CDH4: variants seen among roughly 807,000 people sequenced by gnomAD.
CDH4 encodes the protein cadherin-4.
In CDH4, 33 loss-of-function variants were observed where a neutral mutation model predicts 86.0. That is an observed-to-expected ratio of 0.38 (90% CI 0.29 to 0.51). CDH4 has a LOEUF of 0.51. Ranked by LOEUF, CDH4 falls within the 20% of genes least tolerant of loss-of-function variation. The pLI is 0.86. For synonymous variants in CDH4, 555 were observed against 549.4 expected, an observed-to-expected ratio of 1.01 and a Z score of -0.14; for missense variants, 1,114 against 1,307.4, an observed-to-expected ratio of 0.85 and a Z score of 2.28.
intron 2 of CDH4, among the ~76,000 whole-genome samples, chr20:61,258,329 C>CAAAAAAAAAAAAAAAAAAA (rs778048684): frequency 1.8e-4 from 11 of 62,306 alleles, no homozygotes; most frequent in East Asian, 7.3e-4. Flanking sequence ...GACTCCGTCT[C>CAAAAAAAAAAAAAAAAAAA]AAAAAAAAAA....
chr20:61,300,296 CAGG>C (rs1273991922), intron 2 of CDH4, among the ~76,000 whole-genome samples: 2 of 152,100 alleles, frequency 1.3e-5, no homozygotes, highest in African/African-American at 2.4e-5. Context: ...GAAAAATGAG[CAGG>C]AGAAGGGCCA....
intron 2 of CDH4, among the ~76,000 whole-genome samples, chr20:61,616,944 G>A (rs540935586): frequency 2.2e-4 from 34 of 152,182 alleles, no homozygotes; most frequent in African/African-American, 8.2e-4. Flanking sequence ...GGTGGAGGGG[G>A]GTGACTGGAC....
chr20:61,576,781 G>T (rs140758893), intron 2 of CDH4, among the ~76,000 whole-genome samples: 2 of 152,234 alleles, frequency 1.3e-5, no homozygotes, highest in African/African-American at 4.8e-5. Context: ...GAAGTAAGAG[G>T]GCCTGTATGA....
intron 2 of CDH4, chr20:61,600,071 C>A: frequency 1.7e-6 from 1 of 580,506 alleles, no homozygotes; most frequent in Non-Finnish European, 2.2e-6. Context: ...CTGTCTGACT[C>A]TCCGGGGATG....
chr20:61,641,257 A>C (rs532799807), intron 2 of CDH4, among the ~76,000 whole-genome samples: 2 of 152,260 alleles, frequency 1.3e-5, no homozygotes, highest in South Asian at 4.1e-4. Context: ...TCCCCATTTC[A>C]TGATTGATGT....
At chr20:61,458,171 A>G (rs1317876922) in intron 2 of CDH4, among the ~76,000 whole-genome samples, 1 of 149,722 alleles carries the variant, frequency 6.7e-6, no homozygotes, top group African/African-American at 2.5e-5. Context: ...GACAGTGCTG[A>G]TGCTGGTGGT....
intron 2 of CDH4, among the ~76,000 whole-genome samples, chr20:61,527,379 A>G (rs537456384): frequency 2.6e-5 from 4 of 152,108 alleles, no homozygotes; most frequent in African/African-American, 9.6e-5. Flanking sequence ...CCTCCTGAGT[A>G]GCTGGGATTA....
intron 2 of CDH4, among the ~76,000 whole-genome samples, chr20:61,670,438 T>C (rs1276303301): frequency 6.6e-6 from 1 of 152,204 alleles, no homozygotes; most frequent in Non-Finnish European, 1.5e-5. Context: ...ATGGCCTCTG[T>C]GCACTGGCCA....
At chr20:61,342,562 C>A (rs989845539) in intron 2 of CDH4, among the ~76,000 whole-genome samples, 1 of 152,322 alleles carries the variant, frequency 6.6e-6, no homozygotes, top group East Asian at 1.9e-4. Context: ...CCAGGGGGAG[C>A]AGCTGTAAAT....
rs146508088 is a variant in CDH4, at chr20:61,518,199, G to T, written c.170-225364G>T. On this transcript the variant is annotated intron_variant, in intron 2 of 15. Coordinates refer to ENST00000614565, the MANE Select transcript of CDH4 (RefSeq NM_001794.5). The surrounding 1 kb of genome is among the most constrained non-coding windows in gnomAD (Gnocchi z 6.3). ...TTTATTCTGCCATCATCCCTTTATC[G>T]AACACCACCAGTTCCTAGGACGAGG... Among the ~76,000 whole-genome samples, 1 of 152,060 alleles carries T rather than the reference G, an allele frequency of 6.6e-6. No individual in the cohort carries two copies. Among genetic ancestry groups the T allele is most frequent in the Non-Finnish European group, 1.5e-5 (1 of 68,004 alleles).
intron 2 of CDH4, chr20:61,718,842 C>G (rs768991962): frequency 1.1e-5 from 5 of 471,194 alleles, no homozygotes; most frequent in South Asian, 7.7e-5. Flanking sequence ...ACAGCTGGCT[C>G]TATCTTGGAC....
intron 2 of CDH4, among the ~76,000 whole-genome samples, chr20:61,375,673 G>T (rs200383414): frequency 0.089 from 10,126 of 114,374 alleles, 531 homozygotes; most frequent in East Asian, 0.38. Flanking sequence ...GGTGTGGTTT[G>T]TTGATGGTAG....
At chr20:61,488,565 A>G (rs2085608723) in intron 2 of CDH4, among the ~76,000 whole-genome samples, 2 of 152,178 alleles carry the variant, frequency 1.3e-5, no homozygotes, top group South Asian at 4.1e-4. Context: ...TCTAAAGTAC[A>G]AGAAGTATGT....
chr20:61,647,548 T>TCTCTCTCTCTCTCTCTCTCC (rs1555818888), intron 2 of CDH4, among the ~76,000 whole-genome samples: 1 of 108,484 alleles, frequency 9.2e-6, no homozygotes, highest in African/African-American at 3.3e-5. Flanking sequence ...TCCCTCTCCC[T>TCTCTCTCTCTCTCTCTCTCC]CTCCCTCTCC....
chr20:61,444,611 TTCTC>T (rs1376314032), intron 2 of CDH4, among the ~76,000 whole-genome samples: 1 of 151,072 alleles, frequency 6.6e-6, no homozygotes, highest in Non-Finnish European at 1.5e-5. Context: ...GTATGTGTGT[TTCTC>T]TGTGTGTGTG....
At chr20:61,786,778 C>T (rs1321840002) in intron 4 of CDH4, among the ~76,000 whole-genome samples, 1 of 152,214 alleles carries the variant, frequency 6.6e-6, no homozygotes, top group African/African-American at 2.4e-5. Context: ...AGAGCTCAGG[C>T]ACCTTCCACA....
intron 2 of CDH4, among the ~76,000 whole-genome samples, chr20:61,551,104 A>C (rs1054519914): frequency 9.2e-5 from 14 of 152,212 alleles, no homozygotes. Context: ...TCTCCTCGGG[A>C]TCGATAAAGG....
chr20:61,256,217 T>C (rs2084097191), intron 2 of CDH4, among the ~76,000 whole-genome samples: 1 of 152,156 alleles, frequency 6.6e-6, no homozygotes, highest in Admixed American at 6.5e-5. Context: ...TCTCAGTGCG[T>C]TGGACGGTCT....
rs536141959 is a variant in CDH4 at position 61,389,739 on chromosome 20, C to T, written c.169+134802C>T. On this transcript the variant is annotated intron_variant, in intron 2 of 15. Transcript: ENST00000614565. Reference sequence around the variant, plus strand: ...TGGTGGGTGGGGGCTGGGGGTGCTGCGGAACATCCTGCTGTGCAAAGGGCA... The same window carrying T: ...TGGTGGGTGGGGGCTGGGGGTGCTGTGGAACATCCTGCTGTGCAAAGGGCA... 6.6e-5 allele frequency among the ~76,000 whole-genome samples: 10 copies of T among 152,274 alleles called. No homozygotes were observed. The South Asian group carries it at 1.7e-3, about 25-fold the overall frequency.
Sources: gnomAD v4.1 joint callset for allele counts (sites outside exome capture counted in the v4.1 genomes callset) on GRCh38, gnomAD v4.1.1 for gene constraint, Gnocchi (gnomAD v3.1) non-coding constraint, MANE v1.5 for transcripts, NCBI Gene and HGNC (gene_info 2026-07-23, HGNC 2026-07-21) for gene names.